The following BCAS3 variants were observed in gnomAD, a reference collection of about 807,000 sequenced individuals.
BCAS3 encodes the protein BCAS3 microtubule associated cell migration factor.
In BCAS3, 53 loss-of-function variants were observed where a neutral mutation model predicts 116.1. The observed-to-expected ratio is 0.46, with a 90% CI of 0.37 to 0.57. The LOEUF (loss-of-function observed/expected upper bound fraction) is 0.57. Ranked by LOEUF, BCAS3 falls within the 20% of genes least tolerant of loss-of-function variation. The pLI, the probability that BCAS3 is intolerant of heterozygous loss-of-function variation, is 0.00. For missense variants in BCAS3, 917 were observed against 1,165.4 expected, an observed-to-expected ratio of 0.79 and a Z score of 3.10; for synonymous variants, 391 against 408.2, an observed-to-expected ratio of 0.96 and a Z score of 0.51.
intron 6 of BCAS3, among the ~76,000 whole-genome samples, chr17:60,750,091 TG>T (rs2042325689): frequency 6.6e-6 from 1 of 151,680 alleles, no homozygotes; most frequent in South Asian, 2.1e-4. Context: ...TGTTTGAACT[TG>T]GGAGGCAGAG....
chr17:61,190,025 C>A (rs1341732532), intron 22 of BCAS3, among the ~76,000 whole-genome samples: 1 of 152,104 alleles, frequency 6.6e-6, no homozygotes, highest in Non-Finnish European at 1.5e-5. Flanking sequence ...GCAAGAAGAA[C>A]CTAAAAAGTG....
At chr17:61,000,579 A>G (rs1020604163) in intron 15 of BCAS3, among the ~76,000 whole-genome samples, 5 of 152,124 alleles carry the variant, frequency 3.3e-5, no homozygotes, top group Admixed American at 6.6e-5. Flanking sequence ...TGTAGTTTCT[A>G]TCATTAGTAT....
At chr17:60,941,310 C>CA (rs1262524014) in intron 13 of BCAS3, among the ~76,000 whole-genome samples, 2 of 152,110 alleles carry the variant, frequency 1.3e-5, no homozygotes, top group African/African-American at 4.8e-5. Context: ...AGTTTATGGC[C>CA]AGGCCAGAGT....
chr17:61,261,447 A>G lies in BCAS3; in HGVS notation c.2426-106880A>G, dbSNP rs1249666947. 6.6e-6 allele frequency among the ~76,000 whole-genome samples: 1 copy of G among 152,162 alleles called. No individual in the cohort carries two copies. The highest frequency in any genetic ancestry group is 1.5e-5 in the Non-Finnish European group (1 of 68,020). ...CAAAACAGCTTGTAAAGTTTTTTTT[A>G]TCATTCCTTTCCAGATTGTGTGGGC... On this transcript the variant is annotated intron_variant, in intron 22 of 23. Transcript: ENST00000407086. This position sits in a 1 kb window ranked among gnomAD's most constrained non-coding sequence, Gnocchi z 4.4.
At chr17:60,693,127 T>C (rs2035089875) in intron 4 of BCAS3, among the ~76,000 whole-genome samples, 1 of 151,894 alleles carries the variant, frequency 6.6e-6, no homozygotes, top group Non-Finnish European at 1.5e-5. Flanking sequence ...CTGCCCGCTT[T>C]GGCCTCCCAA....
At chr17:61,147,935 G>A (rs1241500425) in intron 22 of BCAS3, among the ~76,000 whole-genome samples, 1 of 151,536 alleles carries the variant, frequency 6.6e-6, no homozygotes, top group East Asian at 1.9e-4. Flanking sequence ...GCAGTGAGCC[G>A]AGATCATGCC....
chr17:61,202,754 C>T (rs895668974), intron 22 of BCAS3, among the ~76,000 whole-genome samples: 12 of 152,110 alleles, frequency 7.9e-5, no homozygotes, highest in Non-Finnish European at 1.6e-4. Flanking sequence ...ATATCTGACT[C>T]AGAAAAACAA....
chr17:60,856,828 A>T (rs1392081621), intron 7 of BCAS3, among the ~76,000 whole-genome samples: 1 of 152,168 alleles, frequency 6.6e-6, no homozygotes, highest in Non-Finnish European at 1.5e-5. Flanking sequence ...GTTCATAATT[A>T]CTTAATTTAA....
intron 7 of BCAS3, among the ~76,000 whole-genome samples, chr17:60,860,124 A>T (rs1272725617): frequency 6.6e-6 from 1 of 152,180 alleles, no homozygotes; most frequent in Non-Finnish European, 1.5e-5. Flanking sequence ...AGCAGTGTAT[A>T]AGCATTCCCT....
At chr17:60,684,067 CT>C in intron 3 of BCAS3, 31 bp downstream of exon 3, 1 of 1,604,906 alleles carries the variant, frequency 6.2e-7, no homozygotes, top group Non-Finnish European at 8.5e-7. Flanking sequence ...TCGCCTTTCC[CT>C]TTGGTCAGGA....
intron 5 of BCAS3, among the ~76,000 whole-genome samples, chr17:60,718,458 A>G (rs1191152755): frequency 6.6e-6 from 1 of 152,140 alleles, no homozygotes; most frequent in Admixed American, 6.5e-5. Context: ...TTTTTTAGAC[A>G]GAGTCTTGCT....
intron 22 of BCAS3, among the ~76,000 whole-genome samples, chr17:61,117,096 C>T (rs568621212): frequency 4.6e-5 from 7 of 152,166 alleles, no homozygotes; most frequent in Non-Finnish European, 1.0e-4. Flanking sequence ...CACACCCTTT[C>T]TCCACTCCTT....
intron 22 of BCAS3, among the ~76,000 whole-genome samples, chr17:61,155,386 A>G (rs1162065721): frequency 1.3e-5 from 2 of 151,782 alleles, no homozygotes; most frequent in Non-Finnish European, 2.9e-5. Flanking sequence ...ATTTTTTGTG[A>G]TTTATTGTTT....
intron 22 of BCAS3, among the ~76,000 whole-genome samples, chr17:61,267,589 T>C (rs151332956): frequency 0.012 from 1,720 of 149,450 alleles, 26 homozygotes; most frequent in African/African-American, 0.039. Context: ...ATACAAAAAT[T>C]AGCTGGGCAT....
At chr17:60,757,210 G>A (rs371654919) in intron 6 of BCAS3, among the ~76,000 whole-genome samples, 19 of 151,798 alleles carry the variant, frequency 1.3e-4, no homozygotes, top group African/African-American at 4.6e-4. Context: ...TAGCCACTTG[G>A]GGGGCTGAGG....
At chr17:60,855,985 T>C (rs896037264) in intron 7 of BCAS3, among the ~76,000 whole-genome samples, 48 of 152,094 alleles carry the variant, frequency 3.2e-4, no homozygotes, top group Admixed American at 3.0e-3. Flanking sequence ...GCCTGGGCTG[T>C]TTTGTATTTT....
At position 60,734,182 on chromosome 17, in the gene BCAS3, A is replaced by C. The variant is rs191602907; in HGVS notation, c.322-13016A>C. ...TTGCTTTACTACCCAGGCTTCTATT[A>C]CCCAGTAATGCGATCCTAGCTCACT... On this transcript the variant is annotated intron_variant, in intron 5 of 23. Coordinates refer to ENST00000407086, the MANE Select transcript of BCAS3 (RefSeq NM_017679.5). Among the ~76,000 whole-genome samples, 19 of 152,286 alleles carry C rather than the reference A, an allele frequency of 1.2e-4. No individual in the cohort carries two copies. The East Asian group carries it at 3.7e-3, about 29-fold the overall frequency.
chr17:61,094,911 TA>T (rs879762486), intron 22 of BCAS3, among the ~76,000 whole-genome samples: 1 of 152,252 alleles, frequency 6.6e-6, no homozygotes, highest in Non-Finnish European at 1.5e-5. Context: ...TAATAGATAT[TA>T]AAATATATCA....
intron 6 of BCAS3, among the ~76,000 whole-genome samples, chr17:60,804,779 TTAA>T (rs1298807279): frequency 3.3e-5 from 5 of 152,200 alleles, no homozygotes. Context: ...TCAATTTTGA[TTAA>T]TGTGAGAAAA....
Sources: allele counts gnomAD v4.1 joint callset (sites outside exome capture counted in the v4.1 genomes callset), GRCh38; gene constraint gnomAD v4.1.1; non-coding constraint Gnocchi (gnomAD v3.1); transcripts MANE v1.5; gene names NCBI Gene and HGNC (gene_info 2026-07-23, HGNC 2026-07-21).